PRKCA: variants seen among roughly 807,000 people sequenced by gnomAD.
PRKCA encodes the protein protein kinase C alpha type.
A neutral mutation model predicts 87.0 loss-of-function variants in PRKCA; 27 were observed. The observed-to-expected ratio is 0.31, with a 90% CI of 0.23 to 0.43. PRKCA has a LOEUF of 0.43. PRKCA is among the 20% of genes least tolerant of loss of function. The pLI, the probability that PRKCA is intolerant of heterozygous loss-of-function variation, is 1.00. For synonymous variants in PRKCA, 329 were observed against 311.1 expected, an observed-to-expected ratio of 1.06 and a Z score of -0.61; for missense variants, 518 against 852.3, an observed-to-expected ratio of 0.61 and a Z score of 4.88.
At chr17:66,603,227 T>C (rs777859112) in intron 3 of PRKCA, among the ~76,000 whole-genome samples, 9 of 152,304 alleles carry the variant, frequency 5.9e-5, no homozygotes, top group Non-Finnish European at 1.2e-4. Flanking sequence ...GTGCTCTCTC[T>C]CTGCTGTGCT....
intron 2 of PRKCA, among the ~76,000 whole-genome samples, chr17:66,484,590 T>C (rs1038822200): frequency 5.9e-5 from 9 of 152,202 alleles, no homozygotes; most frequent in Admixed American, 5.9e-4. Context: ...CTTCAGCTAA[T>C]GGAGAAAAAG....
At chr17:66,484,726 G>A (rs1482092503) in intron 2 of PRKCA, among the ~76,000 whole-genome samples, 1 of 152,106 alleles carries the variant, frequency 6.6e-6, no homozygotes, top group East Asian at 1.9e-4. Flanking sequence ...TACTCTTCTT[G>A]CAACTTTAAT....
At chr17:66,384,045 G>GAGTT (rs1194599715) in intron 2 of PRKCA, among the ~76,000 whole-genome samples, 1 of 152,036 alleles carries the variant, frequency 6.6e-6, no homozygotes, top group East Asian at 1.9e-4. Flanking sequence ...TATTTTTTAT[G>GAGTT]AGTTATTTGT....
At chr17:66,399,744 A>G (rs1013009190) in intron 2 of PRKCA, among the ~76,000 whole-genome samples, 10 of 152,208 alleles carry the variant, frequency 6.6e-5, no homozygotes, top group Non-Finnish European at 1.5e-4. Flanking sequence ...CACTTAGCGT[A>G]CTATCCTCCA....
At chr17:66,481,091 G>A (rs764566474) in intron 2 of PRKCA, among the ~76,000 whole-genome samples, 8 of 152,050 alleles carry the variant, frequency 5.3e-5, no homozygotes, top group South Asian at 2.1e-4. Context: ...CAGCACTAGC[G>A]TCATTTCTGC....
chr17:66,444,785 A>G (rs750672232), intron 2 of PRKCA, among the ~76,000 whole-genome samples: 2 of 152,168 alleles, frequency 1.3e-5, no homozygotes, highest in Non-Finnish European at 2.9e-5. Flanking sequence ...AGATACTCCC[A>G]CTTCTGAAGC....
At chr17:66,580,359 C>T (rs1969382487) in intron 3 of PRKCA, among the ~76,000 whole-genome samples, 1 of 152,192 alleles carries the variant, frequency 6.6e-6, no homozygotes, top group African/African-American at 2.4e-5. Context: ...ATTCCTTACT[C>T]AGATCTCAGA....
In PRKCA at chr17:66,582,098, T is replaced by C. The variant is rs568892633; in HGVS notation, c.289-59257T>C. The stretch of plus-strand genomic sequence containing the variant: ...TGTTAAATATTTTGAATATCACTCT[T>C]TGTCATGACATCCTCTCTACTGAGG... On this transcript the variant is annotated intron_variant, in intron 3 of 16. Transcript: ENST00000413366. Among the ~76,000 whole-genome samples the C allele has an allele frequency of 6.6e-5, 10 of 152,288 alleles. No homozygotes were observed. In the South Asian group the frequency reaches 2.1e-3, roughly 32 times the overall value.
intron 2 of PRKCA, among the ~76,000 whole-genome samples, chr17:66,342,374 A>G (rs763756383): frequency 1.1e-3 from 161 of 151,968 alleles, no homozygotes; most frequent in Middle Eastern, 3.5e-3. Flanking sequence ...GTGAGCCGAG[A>G]TCAGGCCATT....
intron 13 of PRKCA, among the ~76,000 whole-genome samples, chr17:66,768,267 G>GA (rs1386213777): frequency 3.3e-5 from 5 of 150,256 alleles, no homozygotes; most frequent in African/African-American, 1.2e-4. Flanking sequence ...TTTTTGGGGG[G>GA]GAGAGATTAG....
intron 3 of PRKCA, among the ~76,000 whole-genome samples, chr17:66,553,811 A>C (rs568876254): frequency 6.6e-6 from 1 of 152,150 alleles, no homozygotes; most frequent in Non-Finnish European, 1.5e-5. Context: ...CGTGTAAGAC[A>C]TGGCCTCTCA....
At chr17:66,331,889 T>C (rs1289633206) in intron 2 of PRKCA, among the ~76,000 whole-genome samples, 2 of 152,252 alleles carry the variant, frequency 1.3e-5, no homozygotes, top group Non-Finnish European at 2.9e-5. Context: ...GTAAATGCAT[T>C]GCTGTAGACT....
chr17:66,670,809 C>T (rs1459554673), intron 5 of PRKCA, among the ~76,000 whole-genome samples: 1 of 151,834 alleles, frequency 6.6e-6, no homozygotes, highest in African/African-American at 2.4e-5. Context: ...CTGTAGTGAG[C>T]CATGATCACA....
At chr17:66,460,154 C>G (rs190515566) in intron 2 of PRKCA, among the ~76,000 whole-genome samples, 1 of 152,256 alleles carries the variant, frequency 6.6e-6, no homozygotes, top group East Asian at 1.9e-4. Context: ...TTTGTAACTT[C>G]AATTATTACG....
chr17:66,401,388 T>C (rs1158613273), intron 2 of PRKCA, among the ~76,000 whole-genome samples: 1 of 152,188 alleles, frequency 6.6e-6, no homozygotes, highest in Non-Finnish European at 1.5e-5. Flanking sequence ...GGAAAGCCTG[T>C]ATAGGAAACC....
intron 5 of PRKCA, among the ~76,000 whole-genome samples, chr17:66,679,390 C>T (rs1417044150): frequency 6.6e-6 from 1 of 152,096 alleles, no homozygotes; most frequent in Non-Finnish European, 1.5e-5. Flanking sequence ...ACCGTGTTAG[C>T]CAGGATGGTC....
At chr17:66,562,541 G>T (rs893465597) in intron 3 of PRKCA, among the ~76,000 whole-genome samples, 2 of 151,862 alleles carry the variant, frequency 1.3e-5, no homozygotes, top group Admixed American at 1.3e-4. Flanking sequence ...ACCAGCTGGG[G>T]TTATCTGATA....
chr17:66,591,742 G>T (rs1567919872), intron 3 of PRKCA, among the ~76,000 whole-genome samples: 2 of 152,148 alleles, frequency 1.3e-5, no homozygotes. Context: ...ACAGCCTTGT[G>T]GAGTTGTCCT....
At chr17:66,795,162 C>T (rs1568038855) in intron 16 of PRKCA, among the ~76,000 whole-genome samples, 1 of 152,128 alleles carries the variant, frequency 6.6e-6, no homozygotes, top group Non-Finnish European at 1.5e-5. Context: ...GTACTATGTT[C>T]TTTTAATAAT....
Sources: gnomAD v4.1 joint callset for allele counts (sites outside exome capture counted in the v4.1 genomes callset) on GRCh38, gnomAD v4.1.1 for gene constraint, MANE v1.5 for transcripts, NCBI Gene and HGNC (gene_info 2026-07-23, HGNC 2026-07-21) for gene names.